The following XKR9 variants were observed in gnomAD, a reference collection of about 807,000 sequenced individuals.
XKR9 encodes the protein XK-related protein 9.
A neutral mutation model predicts 32.0 loss-of-function variants in XKR9; 32 were observed. The ratio of observed to expected loss-of-function variants is 1.00; its 90% CI spans 0.76 to 1.34. XKR9 has a LOEUF of 1.34. Among genes scored for constraint, XKR9 ranks in the 40% most tolerant of loss-of-function variants. XKR9 has a pLI of 0.00. For missense variants in XKR9, 546 were observed against 429.7 expected (o/e 1.27, Z -2.39); for synonymous variants, 168 against 143.4 (o/e 1.17, Z -1.22).
chr8:70,881,278 T>G, the XKR9 span, among the ~76,000 whole-genome samples: 1 of 152,134 alleles, frequency 6.6e-6, no homozygotes, highest in African/African-American at 2.4e-5. Flanking sequence ...TGGGATCTAA[T>G]TAAACTAAAG....
At chr8:70,934,881 C>T in the XKR9 span, among the ~76,000 whole-genome samples, 48,151 of 151,446 alleles carry the variant, frequency 0.32, 8,964 homozygotes, top group Non-Finnish European at 0.43. Flanking sequence ...TAGATATTTA[C>T]TTCTTTTAAT....
the XKR9 span, among the ~76,000 whole-genome samples, chr8:70,926,942 A>C: frequency 2.0e-5 from 3 of 152,232 alleles, no homozygotes; most frequent in East Asian, 5.8e-4. Flanking sequence ...GAAAACCAAG[A>C]GCTTCTACCA....
chr8:70,748,278 G>A (rs982415446), intron 2 of XKR9, among the ~76,000 whole-genome samples: 1 of 152,186 alleles, frequency 6.6e-6, no homozygotes, highest in Admixed American at 6.5e-5. Flanking sequence ...GGGCGCAGAT[G>A]TAGCTGCCCA....
chr8:70,986,168 C>A, the XKR9 span, among the ~76,000 whole-genome samples: 2 of 152,138 alleles, frequency 1.3e-5, no homozygotes, highest in African/African-American at 4.8e-5. Flanking sequence ...TTGGAGTTAA[C>A]AAAGTTAAAA....
intron 2 of XKR9, among the ~76,000 whole-genome samples, chr8:70,773,994 A>G (rs1462313788): frequency 1.5e-5 from 2 of 132,414 alleles, no homozygotes; most frequent in Admixed American, 1.5e-4. Context: ...AATACTTTTC[A>G]ATTTTTCTTT....
the XKR9 span, among the ~76,000 whole-genome samples, chr8:71,019,458 C>A: frequency 1.4e-4 from 22 of 152,298 alleles, no homozygotes; most frequent in African/African-American, 5.1e-4. Flanking sequence ...GAAAGCTTTA[C>A]CTCCCTTTGT....
At chr8:70,999,844 C>T in the XKR9 span, among the ~76,000 whole-genome samples, 1 of 152,148 alleles carries the variant, frequency 6.6e-6, no homozygotes, top group Non-Finnish European at 1.5e-5. Flanking sequence ...CATTTATTTA[C>T]CATTGGATAT....
chr8:70,923,105 A>G, the XKR9 span, among the ~76,000 whole-genome samples: 7 of 152,330 alleles, frequency 4.6e-5, no homozygotes, highest in South Asian at 2.1e-4. Context: ...CGTCCTGCAG[A>G]AGCATCACAG....
the XKR9 span, among the ~76,000 whole-genome samples, chr8:70,819,241 C>T: frequency 6.6e-6 from 1 of 152,188 alleles, no homozygotes; most frequent in African/African-American, 2.4e-5. Context: ...GATAAGATGC[C>T]TGCATATGTC....
downstream of XKR9, among the ~76,000 whole-genome samples, chr8:70,738,662 A>G (rs953446208): frequency 6.6e-5 from 10 of 152,016 alleles, no homozygotes; most frequent in African/African-American, 2.2e-4. Flanking sequence ...AGATTCTGGT[A>G]TGTTGTGTCT....
chr8:70,740,173 ATTC>A (rs1806945292), downstream of XKR9, among the ~76,000 whole-genome samples: 1 of 152,008 alleles, frequency 6.6e-6, no homozygotes, highest in South Asian at 2.1e-4. Context: ...GTTTCTTTTT[ATTC>A]TTTTTTCTCT....
the XKR9 span, among the ~76,000 whole-genome samples, chr8:71,053,587 T>A: frequency 6.6e-6 from 1 of 152,304 alleles, no homozygotes; most frequent in Admixed American, 6.5e-5. Flanking sequence ...AACCAGGATG[T>A]TTCTGATTGA....
chr8:70,943,148 A>T, the XKR9 span, among the ~76,000 whole-genome samples: 2 of 152,200 alleles, frequency 1.3e-5, no homozygotes, highest in African/African-American at 4.8e-5. Flanking sequence ...GATAGAGTTG[A>T]AAAACCTATT....
the XKR9 span, among the ~76,000 whole-genome samples, chr8:70,952,396 A>AT: frequency 1.3e-5 from 2 of 152,116 alleles, no homozygotes; most frequent in Non-Finnish European, 2.9e-5. Context: ...TTATTTCTTT[A>AT]TATTAACCAT....
the XKR9 span, among the ~76,000 whole-genome samples, chr8:70,836,152 T>C: frequency 6.6e-6 from 1 of 152,066 alleles, no homozygotes; most frequent in Non-Finnish European, 1.5e-5. Flanking sequence ...TTAGTATGCT[T>C]TCCTCAACCA....
the XKR9 span, among the ~76,000 whole-genome samples, chr8:70,910,231 T>C: frequency 1.3e-5 from 2 of 152,108 alleles, no homozygotes; most frequent in Non-Finnish European, 2.9e-5. Flanking sequence ...CCTTTCCAGC[T>C]CCAGGCCTTC....
chr8:70,935,101 GTA>G, the XKR9 span, among the ~76,000 whole-genome samples: 41,524 of 138,808 alleles, frequency 0.3, 7,672 homozygotes, highest in Non-Finnish European at 0.43. Context: ...TGTTTCTTCA[GTA>G]TATATATATA....
chr8:70,680,065 C>T (rs1015304871), intron 2 of XKR9, among the ~76,000 whole-genome samples: 4 of 151,986 alleles, frequency 2.6e-5, no homozygotes, highest in South Asian at 2.1e-4. Context: ...GCATTTGCTT[C>T]CTACTCTCAA....
chr8:71,038,610 G>A, the XKR9 span, among the ~76,000 whole-genome samples: 3 of 151,206 alleles, frequency 2.0e-5, no homozygotes, highest in Non-Finnish European at 4.4e-5. Context: ...GAGCCACCGC[G>A]CCTGGCCAAC....
Sources: gnomAD v4.1 joint callset for allele counts (sites outside exome capture counted in the v4.1 genomes callset) on GRCh38, gnomAD v4.1.1 for gene constraint, MANE v1.5 for transcripts, NCBI Gene and HGNC (gene_info 2026-07-23, HGNC 2026-07-21) for gene names.